The following TRPC6 variants were observed in gnomAD, a reference collection of about 807,000 sequenced individuals.
TRPC6 encodes transient receptor potential cation channel subfamily C member 6, also known as short transient receptor potential channel 6.
In TRPC6, 55 loss-of-function variants were observed where a neutral mutation model predicts 90.7. The observed-to-expected ratio is 0.61, with a 90% confidence interval of 0.49 to 0.76. The LOEUF is 0.76. TRPC6 is among the 30% of genes least tolerant of loss of function. The pLI is 0.00. For synonymous variants in TRPC6, 393 were observed against 393.0 expected (o/e 1.00, Z 0.00); for missense variants, 989 against 1,122.7 (o/e 0.88, Z 1.70).
chr11:101,524,987 T>C (rs557688140), intron 1 of TRPC6, among the ~76,000 whole-genome samples: 106 of 152,364 alleles, frequency 7.0e-4, no homozygotes, highest in Admixed American at 4.4e-3. Context: ...TCAAGTCTCA[T>C]TGCCTCACTT....
intron 2 of TRPC6, among the ~76,000 whole-genome samples, chr11:101,502,958 T>G (rs1860164968): frequency 8.8e-6 from 1 of 113,954 alleles, no homozygotes; most frequent in East Asian, 2.0e-4. Flanking sequence ...AAGCATTCTC[T>G]CAGCATATAG....
At chr11:101,547,340 C>T (rs1861330431) in intron 1 of TRPC6, among the ~76,000 whole-genome samples, 1 of 152,114 alleles carries the variant, frequency 6.6e-6, no homozygotes, top group Admixed American at 6.5e-5. Context: ...CCCATGTACT[C>T]ACAAACATTA....
rs755825482 is a variant in TRPC6 at position 101,491,590 on chromosome 11, C to T, written c.1094G>A (p.Arg365His). Residue 365 changes from arginine to histidine, a missense_variant, in exon 3 of 13, where the codon CGT (arginine) becomes CAT (histidine). Transcript: ENST00000344327. ...TTCATATTTAATGGCAAGTTTTAAACGGCTGAGATTTGGGCGACCGTGATC... is the reference window on the plus strand; with the variant it reads ...TTCATATTTAATGGCAAGTTTTAAATGGCTGAGATTTGGGCGACCGTGATC... Reference protein sequence around the residue: ...SGDHGRPNLSRLKLAIKYEVK... With the variant: ...SGDHGRPNLSHLKLAIKYEVK... The T allele has an allele frequency of 4.2e-5, 67 of 1,613,742 alleles. No homozygotes were observed. The highest frequency in any genetic ancestry group is 3.3e-4 in the Admixed American group (20 of 59,974).
At chr11:101,490,263 G>A (rs1859774125) in intron 3 of TRPC6, among the ~76,000 whole-genome samples, 1 of 152,006 alleles carries the variant, frequency 6.6e-6, no homozygotes. Context: ...AAGATAAAGT[G>A]GACATTTATT....
intron 1 of TRPC6, among the ~76,000 whole-genome samples, chr11:101,511,164 C>G (rs1591100215): frequency 6.6e-6 from 1 of 152,148 alleles, no homozygotes; most frequent in Admixed American, 6.5e-5. Context: ...ACACAACTAG[C>G]AAGTTTGCAA....
chr11:101,520,934 G>A (rs905645470), intron 1 of TRPC6, among the ~76,000 whole-genome samples: 4 of 152,120 alleles, frequency 2.6e-5, no homozygotes, highest in African/African-American at 9.7e-5. Flanking sequence ...TTGCTCATAT[G>A]CATGAGCAAA....
At chr11:101,513,109 C>T (rs1860435303) in intron 1 of TRPC6, among the ~76,000 whole-genome samples, 1 of 152,326 alleles carries the variant, frequency 6.6e-6, no homozygotes, top group Admixed American at 6.5e-5. Flanking sequence ...ACAAGGGACA[C>T]CTGACAGTGG....
At chr11:101,467,025 G>A (rs1001548200) in intron 10 of TRPC6, among the ~76,000 whole-genome samples, 1 of 152,134 alleles carries the variant, frequency 6.6e-6, no homozygotes, top group African/African-American at 2.4e-5. Flanking sequence ...CTCGCCTTCT[G>A]TGGCCTGCAC....
At chr11:101,568,453 AG>A (rs1384516748) in intron 1 of TRPC6, among the ~76,000 whole-genome samples, 1 of 152,246 alleles carries the variant, frequency 6.6e-6, no homozygotes, top group Non-Finnish European at 1.5e-5. Context: ...AATATTATCC[AG>A]GAGAACTTCC....
At chr11:101,496,429 T>C (rs569668851) in intron 2 of TRPC6, among the ~76,000 whole-genome samples, 4 of 152,306 alleles carry the variant, frequency 2.6e-5, no homozygotes, top group Non-Finnish European at 4.4e-5. Flanking sequence ...TTAACAAGCA[T>C]TTATAAAGCA....
In TRPC6 at chr11:101,452,901, A is replaced by C; in HGVS notation, c.*54T>G. On this transcript the variant is annotated 3_prime_UTR_variant, in exon 13 of 13. Transcript: ENST00000344327. ...GGCACTTAAGAAAATAAATCAGAAA[A>C]TAATATGGCTTCAAGTGGACAAATA... 2 of 1,605,956 alleles carry C rather than the reference A, an allele frequency of 1.2e-6. No homozygotes were observed. Among genetic ancestry groups the C allele is most frequent in the Non-Finnish European group, 1.7e-6 (2 of 1,174,050 alleles).
chr11:101,532,034 T>C (rs1860922784), intron 1 of TRPC6, among the ~76,000 whole-genome samples: 1 of 152,108 alleles, frequency 6.6e-6, no homozygotes, highest in Admixed American at 6.6e-5. Context: ...GGGACCAAAA[T>C]GAGATCACTC....
At chr11:101,472,999 A>G (rs143482837) in intron 7 of TRPC6, among the ~76,000 whole-genome samples, 106 of 152,214 alleles carry the variant, frequency 7.0e-4, no homozygotes, top group Admixed American at 1.3e-3. Context: ...CATGGTGAAC[A>G]TAAGTCAAAA....
intron 1 of TRPC6, among the ~76,000 whole-genome samples, chr11:101,545,569 T>C (rs746936265): frequency 1.3e-5 from 2 of 152,200 alleles, no homozygotes; most frequent in Non-Finnish European, 2.9e-5. Context: ...TTGAGATTAT[T>C]AGATCGTCTG....
At chr11:101,470,586 G>C (rs926041133) in intron 9 of TRPC6, among the ~76,000 whole-genome samples, 3 of 152,112 alleles carry the variant, frequency 2.0e-5, no homozygotes, top group African/African-American at 4.8e-5. Context: ...AAACATATCT[G>C]AACATGCTGT....
At position 101,570,521 on chromosome 11, in the gene TRPC6, C is replaced by T. The variant is rs1861938265; in HGVS notation, c.170+12813G>A. Among the ~76,000 whole-genome samples, 5 of 152,136 alleles carry T rather than the reference C, an allele frequency of 3.3e-5. No individual in the cohort carries two copies. The South Asian group carries it at 1.0e-3, about 32-fold the overall frequency. ...AGACAGAATCCTCCATAACTCATTT[C>T]ATGAGGTCAGCATCATCCTGATACC... On this transcript the variant is annotated intron_variant, in intron 1 of 12. Transcript: ENST00000344327.
intron 5 of TRPC6, among the ~76,000 whole-genome samples, chr11:101,476,873 T>C (rs1256794680): frequency 6.6e-6 from 1 of 152,102 alleles, no homozygotes. Context: ...AAAATAGAAG[T>C]AAAATGGAAG....
intron 1 of TRPC6, among the ~76,000 whole-genome samples, chr11:101,539,372 T>C (rs1441821743): frequency 6.6e-6 from 1 of 152,216 alleles, no homozygotes; most frequent in Non-Finnish European, 1.5e-5. Flanking sequence ...TCAGACTGCC[T>C]GGGCCTTCTA....
At chr11:101,515,405 G>A (rs964618559) in intron 1 of TRPC6, among the ~76,000 whole-genome samples, 9 of 152,190 alleles carry the variant, frequency 5.9e-5, no homozygotes, top group Non-Finnish European at 1.3e-4. Context: ...TATTCTTGAA[G>A]TGTATTCTAT....
Sources: gnomAD v4.1 joint callset for allele counts (sites outside exome capture counted in the v4.1 genomes callset) on GRCh38, gnomAD v4.1.1 for gene constraint, MANE v1.5 for transcripts, NCBI Gene and HGNC (gene_info 2026-07-23, HGNC 2026-07-21) for gene names.